The following RAPGEF6 variants were observed in gnomAD, a reference collection of about 807,000 sequenced individuals.
The protein encoded by RAPGEF6 is Rap guanine nucleotide exchange factor 6, also known as PDZ domain containing guanine nucleotide exchange factor (GEF) 2.
In RAPGEF6, 56 loss-of-function variants were observed where a neutral mutation model predicts 171.4. The observed-to-expected ratio is 0.33, with a 90% CI of 0.26 to 0.41. The LOEUF (loss-of-function observed/expected upper bound fraction) is 0.41, where lower values mean the gene tolerates loss of function less well. Among genes scored for constraint, RAPGEF6 ranks in the 10% least tolerant of loss-of-function variants. RAPGEF6 has a pLI of 1.00. For missense variants in RAPGEF6, 1,674 were observed against 1,921.4 expected, an observed-to-expected ratio of 0.87 and a Z score of 2.41; for synonymous variants, 692 against 650.1, an observed-to-expected ratio of 1.06 and a Z score of -0.98.
At chr5:131,534,737 T>C (rs1759647763) in intron 6 of RAPGEF6, among the ~76,000 whole-genome samples, 2 of 152,062 alleles carry the variant, frequency 1.3e-5, no homozygotes, top group Non-Finnish European at 2.9e-5. Flanking sequence ...AGTAGGTACT[T>C]TGTATGTACA....
In RAPGEF6 at chr5:131,425,700, T is replaced by C. The variant is rs1751361956; in HGVS notation, c.*1566A>G. 1 of 152,268 alleles carries C rather than the reference T, an allele frequency of 6.6e-6. No individual in the cohort carries two copies. Among genetic ancestry groups the C allele is most frequent in the Non-Finnish European group, 1.5e-5 (1 of 68,038 alleles). The allele number at this position is 152,268 out of a possible 1,614,324, so 9.4% of individuals were successfully genotyped here. A position where few individuals can be genotyped will look rare whatever the true frequency, so the allele number is the denominator to read the frequency against. On this transcript the variant is annotated 3_prime_UTR_variant, in exon 28 of 28. Transcript: ENST00000509018. ...CCATTTACCACTTACAACTGATTCA[T>C]GATTTTAAAATGAAGGGGGATATGC...
rs1280173427 is a variant in RAPGEF6 at position 131,492,761 on chromosome 5, A to G, written c.1552T>C (p.Leu518=). 1 of 1,613,462 alleles carries G rather than the reference A, an allele frequency of 6.2e-7. No homozygotes were observed. Among genetic ancestry groups the G allele is most frequent in the Non-Finnish European group, 8.5e-7 (1 of 1,179,456 alleles). ...DTKMNGHLRL[L]NIACAAKAKW... ...GCCTTTGCAGCACAGGCAATATTCA[A>G]TAACCGGAGATGACCATTCATCTTC... The change falls in exon 14 of 28, where the codon TTG becomes CTG. Residue 518 remains leucine (L), a synonymous_variant. Coordinates refer to ENST00000509018, the MANE Select transcript of RAPGEF6 (RefSeq NM_016340.6).
At chr5:131,574,036 T>C (rs1762457452) in intron 4 of RAPGEF6, among the ~76,000 whole-genome samples, 1 of 152,152 alleles carries the variant, frequency 6.6e-6, no homozygotes, top group Admixed American at 6.5e-5. Flanking sequence ...TTGCCTTCAC[T>C]GTGAGACAAC....
At chr5:131,471,412 T>A (rs1388308984) in intron 17 of RAPGEF6, among the ~76,000 whole-genome samples, 1 of 152,226 alleles carries the variant, frequency 6.6e-6, no homozygotes, top group East Asian at 1.9e-4. Flanking sequence ...TAATAAAACA[T>A]GAACTTTACT....
intron 3 of RAPGEF6, among the ~76,000 whole-genome samples, chr5:131,592,682 T>C (rs1446179418): frequency 6.6e-6 from 1 of 152,216 alleles, no homozygotes; most frequent in Non-Finnish European, 1.5e-5. Context: ...ATACATACTA[T>C]AAAACACCAA....
intron 16 of RAPGEF6, among the ~76,000 whole-genome samples, chr5:131,477,791 T>A (rs1314064961): frequency 6.6e-6 from 1 of 152,076 alleles, no homozygotes; most frequent in Non-Finnish European, 1.5e-5. Flanking sequence ...GGAAGAAAGA[T>A]CTATTCCAGA....
At chr5:131,575,490 C>T (rs1158064702) in intron 4 of RAPGEF6, among the ~76,000 whole-genome samples, 1 of 152,166 alleles carries the variant, frequency 6.6e-6, no homozygotes, top group Admixed American at 6.5e-5. Flanking sequence ...CACAAGTGCT[C>T]TCCCTGCTGT....
Position 131,464,346 on chromosome 5 carries a change from G to C in RAPGEF6, c.2240-65C>G, listed in dbSNP as rs761316217. On this transcript the variant is annotated intron_variant, in intron 17 of 27. Transcript: ENST00000509018. ...AAATCACTTTTAAACCCTTCAAAAA[G>C]CAACGTGAAACACAGTGATCCCTCT... is the stretch of plus-strand genomic sequence containing the variant. 6.8e-6 allele frequency: 9 copies of C among 1,319,704 alleles called. No homozygotes were observed. The South Asian group carries it at 1.1e-4, about 16-fold the overall frequency. 81.7% of individuals were successfully genotyped at this position (1,319,704 alleles called of 1,614,324 possible). A position where few individuals can be genotyped will look rare whatever the true frequency, so the allele number is the denominator to read the frequency against.
At chr5:131,612,760 T>C (rs1223732408) in intron 1 of RAPGEF6, among the ~76,000 whole-genome samples, 2 of 152,218 alleles carry the variant, frequency 1.3e-5, no homozygotes, top group Non-Finnish European at 2.9e-5. Flanking sequence ...GAACCAGAAT[T>C]TTCTAAGACT....
chr5:131,433,060 CTGTCTACAA>C lies in RAPGEF6; in HGVS notation c.3974+361_3974+369del, dbSNP rs531349338. ...CAAGGGCTAGTCCTACTCTCCCAAC[CTGTCTACAA>C]TGTGCACAGCACTCGAGGCACTTTC... is the stretch of plus-strand genomic sequence containing the variant. On this transcript the variant is annotated intron_variant, in intron 25 of 27. Coordinates refer to ENST00000509018, the MANE Select transcript of RAPGEF6 (RefSeq NM_016340.6). Among the ~76,000 whole-genome samples the C allele has an allele frequency of 5.3e-5, 8 of 152,216 alleles. No individual in the cohort carries two copies. The East Asian group carries it at 1.5e-3, about 29-fold the overall frequency.
At position 131,556,370 on chromosome 5, in the gene RAPGEF6, G is replaced by A. The variant is rs548335989; in HGVS notation, c.351+5608C>T. 4.6e-5 allele frequency among the ~76,000 whole-genome samples: 7 copies of A among 152,178 alleles called. No homozygotes were observed. The East Asian group carries it at 1.4e-3, about 29-fold the overall frequency. ...TGCAGTGAGCCGAGATCATGCCACTGCACTCCAGCCTGGGCAACAGATCAA... is the reference window on the plus strand; with the variant it reads ...TGCAGTGAGCCGAGATCATGCCACTACACTCCAGCCTGGGCAACAGATCAA... On this transcript the variant is annotated intron_variant, in intron 5 of 27. Transcript: ENST00000509018.
chr5:131,496,476 C>T (rs1756649375), intron 12 of RAPGEF6, among the ~76,000 whole-genome samples: 1 of 152,172 alleles, frequency 6.6e-6, no homozygotes, highest in Non-Finnish European at 1.5e-5. Flanking sequence ...ATTTTCATCA[C>T]TCCAAAAGTA....
At chr5:131,492,961 T>G (rs1226805656) in intron 13 of RAPGEF6, among the ~76,000 whole-genome samples, 176 bp from the exon 14 acceptor site, 3 of 152,198 alleles carry the variant, frequency 2.0e-5, no homozygotes, top group African/African-American at 7.2e-5. Flanking sequence ...TTTCTAAATA[T>G]GATTATAAGA....
At chr5:131,556,481 CAAT>C (rs1761244198) in intron 5 of RAPGEF6, among the ~76,000 whole-genome samples, 2 of 152,108 alleles carry the variant, frequency 1.3e-5, no homozygotes, top group South Asian at 2.1e-4. Context: ...GTAACACCAA[CAAT>C]GAGACATACT....
intron 15 of RAPGEF6, among the ~76,000 whole-genome samples, chr5:131,486,867 T>A (rs1561503028): frequency 6.6e-6 from 1 of 152,030 alleles, no homozygotes; most frequent in African/African-American, 2.4e-5. Flanking sequence ...CCTAGAAATG[T>A]TTTTCTTCTC....
chr5:131,494,157 C>T (rs1756474474), intron 13 of RAPGEF6, among the ~76,000 whole-genome samples: 1 of 152,200 alleles, frequency 6.6e-6, no homozygotes. Flanking sequence ...GAACTACTAT[C>T]TTTACAAATA....
rs538684787 is a variant in RAPGEF6, at chr5:131,495,233, C to T, written c.1527+320G>A. On this transcript the variant is annotated intron_variant, in intron 13 of 27. Coordinates refer to ENST00000509018, the MANE Select transcript of RAPGEF6 (RefSeq NM_016340.6). ...TTGCTTGAACCTGGAAAGCGGAGGTCGCAGTGAGCCAAGATTGCACCACTG... is the reference window on the plus strand; with the variant it reads ...TTGCTTGAACCTGGAAAGCGGAGGTTGCAGTGAGCCAAGATTGCACCACTG... 1.1e-3 allele frequency among the ~76,000 whole-genome samples: 166 copies of T among 151,152 alleles called. 1 individual carries two copies. The highest frequency in any genetic ancestry group is 3.6e-3 in the African/African-American group (149 of 41,182).
chr5:131,495,519 C>G, intron 13 of RAPGEF6, 34 bp downstream of exon 13: 1 of 1,561,630 alleles, frequency 6.4e-7, no homozygotes, highest in South Asian at 1.1e-5. Flanking sequence ...GGGACCACTA[C>G]ACTCTGAAGA....
chr5:131,546,328 G>C (rs535231309), intron 6 of RAPGEF6, among the ~76,000 whole-genome samples: 1 of 152,042 alleles, frequency 6.6e-6, no homozygotes, highest in East Asian at 1.9e-4. Flanking sequence ...GGAAAAGGCC[G>C]GGCGCTGTGG....
Sources: gnomAD v4.1 joint callset for allele counts (sites outside exome capture counted in the v4.1 genomes callset) on GRCh38, gnomAD v4.1.1 for gene constraint, MANE v1.5 for transcripts, NCBI Gene and HGNC (gene_info 2026-07-23, HGNC 2026-07-21) for gene names.